Variants in KCNIP1 observed in about 807,000 individuals in gnomAD.
KCNIP1 encodes the protein A-type potassium channel modulatory protein KCNIP1.
In KCNIP1, 18 loss-of-function variants were observed where a neutral mutation model predicts 33.0. That is an observed-to-expected ratio of 0.55 (90% CI 0.38 to 0.81). KCNIP1 has a LOEUF of 0.81. Ranked by LOEUF, KCNIP1 falls within the 30% of genes least tolerant of loss-of-function variation. KCNIP1 has a pLI of 0.00. For missense variants in KCNIP1, 238 were observed against 271.6 expected, an observed-to-expected ratio of 0.88 and a Z score of 0.87; for synonymous variants, 93 against 98.3, an observed-to-expected ratio of 0.95 and a Z score of 0.32.
At chr5:170,567,118 G>C (rs1475138299) in intron 1 of KCNIP1, among the ~76,000 whole-genome samples, 1 of 152,230 alleles carries the variant, frequency 6.6e-6, no homozygotes, top group Non-Finnish European at 1.5e-5. Context: ...GTCAGAGGCA[G>C]TGGTTCTTGG....
intron 1 of KCNIP1, among the ~76,000 whole-genome samples, chr5:170,490,519 G>A (rs1757184259): frequency 6.6e-6 from 1 of 152,142 alleles, no homozygotes; most frequent in Non-Finnish European, 1.5e-5. Context: ...ATCCAAGCAA[G>A]GTGTGTGGAC....
chr5:170,388,990 T>C (rs7716257), intron 1 of KCNIP1, among the ~76,000 whole-genome samples: 4,913 of 152,250 alleles, frequency 0.032, 171 homozygotes, highest in East Asian at 0.11. Flanking sequence ...AGCATTGGTG[T>C]TAATCTCCAG....
chr5:170,712,523 T>G (rs1029482392), intron 1 of KCNIP1, among the ~76,000 whole-genome samples: 3 of 152,228 alleles, frequency 2.0e-5, no homozygotes, highest in African/African-American at 4.8e-5. Context: ...CAGTCAAACA[T>G]GCGAGTGTTT....
rs1452878647 is a variant in KCNIP1, at chr5:170,551,520, G to A, written c.61+46887G>A. Reference sequence around the variant, plus strand: ...GCCCACACCTTTCTTGACAGTCCTGGGCCAGGGCTTCCCCAGGTTTGGAAT... The same window carrying A: ...GCCCACACCTTTCTTGACAGTCCTGAGCCAGGGCTTCCCCAGGTTTGGAAT... On this transcript the variant is annotated intron_variant, in intron 1 of 7. Transcript: ENST00000328939. Among the ~76,000 whole-genome samples, 5 of 152,188 alleles carry A rather than the reference G, an allele frequency of 3.3e-5. No homozygotes were observed. The East Asian group carries it at 7.7e-4, about 23-fold the overall frequency.
intron 1 of KCNIP1, among the ~76,000 whole-genome samples, chr5:170,691,361 A>G (rs563605070): frequency 6.6e-6 from 1 of 152,350 alleles, no homozygotes; most frequent in South Asian, 2.1e-4. Flanking sequence ...CAGAATGTTT[A>G]GTTGGACGAG....
At chr5:170,425,881 G>A (rs1459722321) in intron 1 of KCNIP1, among the ~76,000 whole-genome samples, 1 of 152,202 alleles carries the variant, frequency 6.6e-6, no homozygotes, top group African/African-American at 2.4e-5. Context: ...CTGCTTCCTG[G>A]TGACAGAAAA....
At chr5:170,414,210 A>G (rs56231214) in intron 1 of KCNIP1, among the ~76,000 whole-genome samples, 12,815 of 152,296 alleles carry the variant, frequency 0.084, 742 homozygotes, top group Non-Finnish European at 0.12. Context: ...CCTTATATCT[A>G]AGGTACCCTC....
In KCNIP1 at chr5:170,413,054, T is replaced by C. The variant is rs375677472; in HGVS notation, c.88+59090T>C. Among the ~76,000 whole-genome samples, 7 of 152,274 alleles carry C rather than the reference T, an allele frequency of 4.6e-5. No individual in the cohort carries two copies. In the South Asian group the frequency reaches 1.5e-3, roughly 32 times the overall value. Reference sequence around the variant, plus strand: ...CTCAGTGCTAAAGCAGCGCTGGGCGTAGTAAGTGCTCAGTGAAGATCTGTT... The same window carrying C: ...CTCAGTGCTAAAGCAGCGCTGGGCGCAGTAAGTGCTCAGTGAAGATCTGTT... On this transcript the variant is annotated intron_variant, in intron 1 of 7. Coordinates refer to the KCNIP1 transcript ENST00000377360.
chr5:170,676,047 C>A (rs1762120589), intron 1 of KCNIP1, among the ~76,000 whole-genome samples: 2 of 108,360 alleles, frequency 1.8e-5, no homozygotes, highest in South Asian at 3.3e-4. Flanking sequence ...AGAGAGAGAG[C>A]AGAAAGGAGG....
At chr5:170,409,967 T>C (rs1456809141) in intron 1 of KCNIP1, among the ~76,000 whole-genome samples, 1 of 148,888 alleles carries the variant, frequency 6.7e-6, no homozygotes, top group East Asian at 1.9e-4. Context: ...GGCTAGCTGT[T>C]AGCATTTGAC....
rs1419389992 is a variant in KCNIP1, at chr5:170,736,508, C to T, written c.*702C>T. ...AGCCATTGCCCAGTGGTCCATATCTCCACCACATCCCCTGCTTGAGCCCAG... is the reference window on the plus strand; with the variant it reads ...AGCCATTGCCCAGTGGTCCATATCTTCACCACATCCCCTGCTTGAGCCCAG... On this transcript the variant is annotated 3_prime_UTR_variant, in exon 8 of 8. Transcript: ENST00000328939. 1 of 152,338 alleles carries T rather than the reference C, an allele frequency of 6.6e-6. No individual in the cohort carries two copies. The highest frequency in any genetic ancestry group is 1.5e-5 in the Non-Finnish European group (1 of 68,072). 9.4% of individuals were successfully genotyped at this position (152,338 alleles called of 1,614,324 possible). A position where few individuals can be genotyped will look rare whatever the true frequency, so the allele number is the denominator to read the frequency against.
chr5:170,505,309 G>A (rs1754673357), intron 1 of KCNIP1, among the ~76,000 whole-genome samples: 2 of 152,172 alleles, frequency 1.3e-5, no homozygotes, highest in South Asian at 4.1e-4. Flanking sequence ...GCCGAGGCAT[G>A]GCTGATCTCA....
At chr5:170,650,704 A>G (rs919150913) in intron 1 of KCNIP1, among the ~76,000 whole-genome samples, 1 of 152,232 alleles carries the variant, frequency 6.6e-6, no homozygotes, top group Non-Finnish European at 1.5e-5. Flanking sequence ...GCTGGATCAC[A>G]TGATGGATGA....
At chr5:170,696,925 T>C (rs1345237747) in intron 1 of KCNIP1, among the ~76,000 whole-genome samples, 2 of 152,130 alleles carry the variant, frequency 1.3e-5, no homozygotes, top group Non-Finnish European at 2.9e-5. Flanking sequence ...TGTACTTCCC[T>C]AGAATGCACA....
At chr5:170,694,096 A>C (rs753655249) in intron 1 of KCNIP1, among the ~76,000 whole-genome samples, 3 of 152,220 alleles carry the variant, frequency 2.0e-5, no homozygotes, top group Non-Finnish European at 4.4e-5. Context: ...AAAGACCCCA[A>C]TTTATCTTCA....
chr5:170,567,827 T>C (rs2113475496), intron 1 of KCNIP1, among the ~76,000 whole-genome samples: 1 of 152,308 alleles, frequency 6.6e-6, no homozygotes, highest in Middle Eastern at 3.4e-3. Flanking sequence ...CAGGAGCAGG[T>C]CACCTTCAAC....
intron 5 of KCNIP1, 95 bp downstream of exon 5, chr5:170,722,915 A>G (rs1763876776): frequency 1.3e-6 from 1 of 754,014 alleles, no homozygotes; most frequent in Non-Finnish European, 2.2e-6. Flanking sequence ...CACTGTCTGA[A>G]TGAGGCAGGC....
intron 1 of KCNIP1, among the ~76,000 whole-genome samples, chr5:170,469,859 A>T (rs530559775): frequency 3.3e-4 from 50 of 152,152 alleles, no homozygotes; most frequent in Non-Finnish European, 5.6e-4. Flanking sequence ...GATAAAACCT[A>T]TACTCTTGCA....
chr5:170,429,563 C>T (rs1755694994), intron 1 of KCNIP1, among the ~76,000 whole-genome samples: 2 of 152,180 alleles, frequency 1.3e-5, no homozygotes, highest in South Asian at 4.1e-4. Flanking sequence ...TATCCGTCCC[C>T]ACAATGACGT....
Sources: gnomAD v4.1 joint callset for allele counts (sites outside exome capture counted in the v4.1 genomes callset) on GRCh38, gnomAD v4.1.1 for gene constraint, MANE v1.5 for transcripts, NCBI Gene and HGNC (gene_info 2026-07-23, HGNC 2026-07-21) for gene names.